The following ATRNL1 variants were observed in gnomAD, a reference collection of about 807,000 sequenced individuals.
ATRNL1 encodes the protein attractin-like protein 1.
A neutral mutation model predicts 182.7 loss-of-function variants in ATRNL1; 95 were observed. That is an observed-to-expected ratio of 0.52 (90% CI 0.44 to 0.62). ATRNL1 has a LOEUF of 0.62. Among genes scored for constraint, ATRNL1 ranks in the 20% least tolerant of loss-of-function variants. The probability of loss-of-function intolerance (pLI) is 0.00; values close to 1 mark genes in which losing one functional copy is unlikely to be tolerated. For synonymous variants in ATRNL1, 576 were observed against 568.3 expected (o/e 1.01, Z -0.19); for missense variants, 1,471 against 1,679.5 (o/e 0.88, Z 2.17).
At chr10:115,604,774 C>T (rs1322587014) in intron 26 of ATRNL1, among the ~76,000 whole-genome samples, 7 of 152,222 alleles carry the variant, frequency 4.6e-5, no homozygotes, top group Non-Finnish European at 7.4e-5. Context: ...GTCTAATACC[C>T]GGAAGCAAGA....
chr10:115,929,507 A>G (rs1589708617), intron 28 of ATRNL1, among the ~76,000 whole-genome samples: 1 of 152,140 alleles, frequency 6.6e-6, no homozygotes, highest in African/African-American at 2.4e-5. Context: ...ATCTACCTAC[A>G]AACCAGAGAC....
intron 18 of ATRNL1, among the ~76,000 whole-genome samples, chr10:115,322,612 A>C (rs1216082266): frequency 1.3e-5 from 2 of 152,016 alleles, no homozygotes; most frequent in African/African-American, 2.4e-5. Flanking sequence ...TTTTGCATGG[A>C]GTTGAACTAC....
rs563691060 is a variant in ATRNL1 at position 115,666,271 on chromosome 10, C to T, written c.3796-60977C>T. 4.6e-5 allele frequency among the ~76,000 whole-genome samples: 7 copies of T among 152,224 alleles called. No homozygotes were observed. The East Asian group carries it at 1.4e-3, about 29-fold the overall frequency. ...CTGACTTACACTGTCTAAATATTGG[C>T]TGTTATGATTAACTGATAAAGTTTA... On this transcript the variant is annotated intron_variant, in intron 26 of 28. Coordinates refer to ENST00000355044, the MANE Select transcript of ATRNL1 (RefSeq NM_207303.4).
At chr10:115,246,042 C>T (rs1051475096) in intron 10 of ATRNL1, among the ~76,000 whole-genome samples, 5 of 151,940 alleles carry the variant, frequency 3.3e-5, no homozygotes, top group African/African-American at 1.2e-4. Flanking sequence ...AAAAAGAGGC[C>T]ACTAAATAAA....
chr10:115,602,772 T>G (rs777505085), intron 26 of ATRNL1, among the ~76,000 whole-genome samples: 6 of 150,150 alleles, frequency 4.0e-5, no homozygotes, highest in Non-Finnish European at 8.9e-5. Context: ...GAGAATGGGG[T>G]GAACCCAGGA....
intron 27 of ATRNL1, among the ~76,000 whole-genome samples, chr10:115,773,222 C>T (rs1228591254): frequency 6.6e-6 from 1 of 152,020 alleles, no homozygotes; most frequent in Non-Finnish European, 1.5e-5. Context: ...AAAATCCATT[C>T]CCAAAAAATT....
intron 27 of ATRNL1, among the ~76,000 whole-genome samples, chr10:115,761,088 A>C (rs72826872): frequency 0.21 from 30,150 of 146,936 alleles, 3,483 homozygotes; most frequent in South Asian, 0.31. Flanking sequence ...AGCGTTTCAA[A>C]GACTGCACTG....
intron 28 of ATRNL1, among the ~76,000 whole-genome samples, chr10:115,878,043 G>A (rs889940272): frequency 1.3e-5 from 2 of 152,132 alleles, no homozygotes; most frequent in African/African-American, 4.8e-5. Context: ...GTGGCCCAGG[G>A]CTAGGAGACC....
chr10:115,436,682 G>T (rs1846419047), intron 21 of ATRNL1, among the ~76,000 whole-genome samples: 1 of 152,022 alleles, frequency 6.6e-6, no homozygotes, highest in African/African-American at 2.4e-5. Flanking sequence ...ATTCCCAAGG[G>T]TGACATATTT....
chr10:115,412,891 A>C (rs1845211846), intron 20 of ATRNL1, among the ~76,000 whole-genome samples: 1 of 152,118 alleles, frequency 6.6e-6, no homozygotes, highest in South Asian at 2.1e-4. Flanking sequence ...TTTTCTTCTT[A>C]TGTTGAAAAT....
chr10:115,508,360 G>A (rs1048947690), intron 24 of ATRNL1, among the ~76,000 whole-genome samples: 1 of 151,922 alleles, frequency 6.6e-6, no homozygotes, highest in Non-Finnish European at 1.5e-5. Context: ...TGCTACAATT[G>A]CTTCCCAGTG....
rs1040858743 is a variant in ATRNL1 at position 115,542,298 on chromosome 10, G to A, written c.3717-7160G>A. Among the ~76,000 whole-genome samples the A allele has an allele frequency of 3.9e-5, 6 of 152,134 alleles. No homozygotes were observed. In the South Asian group the frequency reaches 1.2e-3, roughly 32 times the overall value. On this transcript the variant is annotated intron_variant, in intron 25 of 28. Transcript: ENST00000355044. ...GGTTCTGTTACAGAACCGTGGCAGG[G>A]AGGTTAATTTAGGTACTCTTCTATA...
chr10:115,197,575 C>A (rs188771183), intron 8 of ATRNL1, among the ~76,000 whole-genome samples: 1 of 152,004 alleles, frequency 6.6e-6, no homozygotes, highest in Non-Finnish European at 1.5e-5. Flanking sequence ...ACAGGGTTTT[C>A]TCCCTTTTTA....
At chr10:115,104,762 T>G (rs1473542475) in intron 1 of ATRNL1, among the ~76,000 whole-genome samples, 1 of 152,224 alleles carries the variant, frequency 6.6e-6, no homozygotes, top group East Asian at 1.9e-4. Context: ...ATTCTTCATA[T>G]GGATATCCAG....
At chr10:115,857,059 A>G (rs1305198112) in intron 28 of ATRNL1, among the ~76,000 whole-genome samples, 9 of 152,148 alleles carry the variant, frequency 5.9e-5, no homozygotes, top group Non-Finnish European at 1.5e-5. Flanking sequence ...TAGGATAAAA[A>G]TCTTTATAAT....
At chr10:115,453,198 G>T (rs1218108321) in intron 21 of ATRNL1, among the ~76,000 whole-genome samples, 3 of 152,052 alleles carry the variant, frequency 2.0e-5, no homozygotes, top group South Asian at 2.1e-4. Flanking sequence ...AGTTTCTTTT[G>T]ATCTGTATAT....
chr10:115,755,542 T>G (rs572886610), intron 27 of ATRNL1, among the ~76,000 whole-genome samples: 1 of 152,246 alleles, frequency 6.6e-6, no homozygotes, highest in African/African-American at 2.4e-5. Flanking sequence ...GTGGATAAGC[T>G]TTTTGATACG....
chr10:115,873,074 C>T (rs1248234250), intron 28 of ATRNL1, among the ~76,000 whole-genome samples: 2 of 151,556 alleles, frequency 1.3e-5, no homozygotes, highest in African/African-American at 4.9e-5. Flanking sequence ...GATAGCCGTG[C>T]GATAGCTGAG....
At position 115,676,503 on chromosome 10, in the gene ATRNL1, G is replaced by A. The variant is rs1781431508; in HGVS notation, c.3796-50745G>A. Among the ~76,000 whole-genome samples, 5 of 151,824 alleles carry A rather than the reference G, an allele frequency of 3.3e-5. No individual in the cohort carries two copies. The South Asian group carries it at 1.0e-3, about 31-fold the overall frequency. ...CCAAATGAGAAAAAATAGCAGATTA[G>A]TTATATATAATTTGGAGTGAGTGAC... On this transcript the variant is annotated intron_variant, in intron 26 of 28. Transcript: ENST00000355044.
Sources: gnomAD v4.1 joint callset for allele counts (sites outside exome capture counted in the v4.1 genomes callset) on GRCh38, gnomAD v4.1.1 for gene constraint, MANE v1.5 for transcripts, NCBI Gene and HGNC (gene_info 2026-07-23, HGNC 2026-07-21) for gene names.